Variants in DLGAP2 observed in about 807,000 individuals in gnomAD.
DLGAP2 encodes disks large-associated protein 2.
A neutral mutation model predicts 100.3 loss-of-function variants in DLGAP2; 26 were observed. The ratio of observed to expected loss-of-function variants is 0.26; its 90% CI spans 0.19 to 0.36. DLGAP2 has a LOEUF of 0.36. Ranked by LOEUF, DLGAP2 falls within the 10% of genes least tolerant of loss-of-function variation. The pLI, the probability that DLGAP2 is intolerant of heterozygous loss-of-function variation, is 1.00. For synonymous variants in DLGAP2, 886 were observed against 630.1 expected, an observed-to-expected ratio of 1.41 and a Z score of -6.08; for missense variants, 1,858 against 1,453.2, an observed-to-expected ratio of 1.28 and a Z score of -4.53.
At chr8:1,218,947 A>C (rs1457710402) in intron 2 of DLGAP2, among the ~76,000 whole-genome samples, 3 of 152,110 alleles carry the variant, frequency 2.0e-5, no homozygotes, top group African/African-American at 2.4e-5. Context: ...GGTGAATAGA[A>C]ATGCTATTAA....
chr8:1,222,062 C>A (rs1360410439), intron 2 of DLGAP2, among the ~76,000 whole-genome samples: 1 of 152,188 alleles, frequency 6.6e-6, no homozygotes, highest in Non-Finnish European at 1.5e-5. Flanking sequence ...CATCCAGATT[C>A]TGAATTCCAT....
At chr8:1,412,110 G>A (rs1796748435) in intron 3 of DLGAP2, among the ~76,000 whole-genome samples, 1 of 152,210 alleles carries the variant, frequency 6.6e-6, no homozygotes, top group Non-Finnish European at 1.5e-5. Context: ...TCTCAAGCAT[G>A]GGCTGGGCTT....
At chr8:1,169,843 C>G (rs957781735) in intron 2 of DLGAP2, among the ~76,000 whole-genome samples, 1 of 151,816 alleles carries the variant, frequency 6.6e-6, no homozygotes, top group African/African-American at 2.4e-5. Context: ...GACAATTTGA[C>G]TTCCTCTTTT....
chr8:952,614 G>A (rs1218465672), intron 2 of DLGAP2, among the ~76,000 whole-genome samples: 1 of 151,974 alleles, frequency 6.6e-6, no homozygotes, highest in Non-Finnish European at 1.5e-5. Flanking sequence ...TCCAGCCTGG[G>A]TGACAGTGTG....
chr8:1,696,484 A>C lies in DLGAP2; in HGVS notation c.2797-663A>C, dbSNP rs112717246. Among the ~76,000 whole-genome samples, 1,431 of 152,228 alleles carry C rather than the reference A, an allele frequency of 9.4e-3. 22 individuals are homozygous for C. Among genetic ancestry groups the C allele is most frequent in the African/African-American group, 0.033 (1,368 of 41,542 alleles). ...CTGTGCTCCAGCCTGGGCGACAGAGAAAGACCCTGTCTCAAAAATAACATA... is the reference window on the plus strand; with the variant it reads ...CTGTGCTCCAGCCTGGGCGACAGAGCAAGACCCTGTCTCAAAAATAACATA... On this transcript the variant is annotated intron_variant, in intron 13 of 14. Transcript: ENST00000637795.
intron 2 of DLGAP2, among the ~76,000 whole-genome samples, chr8:1,177,712 G>C (rs1199436646): frequency 2.0e-5 from 3 of 152,172 alleles, no homozygotes; most frequent in Admixed American, 6.5e-5. Context: ...CTGGAAGTCT[G>C]AGATTGAGAT....
intron 2 of DLGAP2, among the ~76,000 whole-genome samples, chr8:1,003,487 T>C (rs1403382694): frequency 6.6e-6 from 1 of 152,258 alleles, no homozygotes; most frequent in Non-Finnish European, 1.5e-5. Flanking sequence ...CAAATTGTTG[T>C]CTAACAATCC....
intron 2 of DLGAP2, among the ~76,000 whole-genome samples, chr8:1,105,225 A>T (rs991179099): frequency 6.6e-6 from 1 of 152,246 alleles, no homozygotes; most frequent in African/African-American, 2.4e-5. Context: ...TTCTACAGAG[A>T]AAAAGTTCTT....
chr8:1,254,718 C>T (rs946359072), intron 2 of DLGAP2, among the ~76,000 whole-genome samples: 19 of 152,254 alleles, frequency 1.2e-4, no homozygotes, highest in Admixed American at 7.8e-4. Flanking sequence ...CAGGATGAGA[C>T]GAAAAAATCC....
At chr8:1,255,487 T>C (rs1585197431) in intron 2 of DLGAP2, among the ~76,000 whole-genome samples, 4 of 103,170 alleles carry the variant, frequency 3.9e-5, no homozygotes. Context: ...TGTGTGTGTG[T>C]CCTCATCTTG....
chr8:988,287 A>G (rs566292683), intron 2 of DLGAP2, among the ~76,000 whole-genome samples: 2 of 152,326 alleles, frequency 1.3e-5, no homozygotes, highest in South Asian at 4.1e-4. Flanking sequence ...TAAAAAGCAA[A>G]TAGATTTTAG....
intron 2 of DLGAP2, among the ~76,000 whole-genome samples, chr8:1,027,360 C>A (rs1459653236): frequency 1.3e-5 from 2 of 150,486 alleles, no homozygotes; most frequent in African/African-American, 4.9e-5. Flanking sequence ...ACCAGGTGCC[C>A]GTTATTCTCC....
chr8:1,121,203 C>A lies in DLGAP2; in HGVS notation c.74-137648C>A, dbSNP rs564621413. 2.0e-5 allele frequency among the ~76,000 whole-genome samples: 3 copies of A among 148,074 alleles called. No homozygotes were observed. In the East Asian group the frequency reaches 6.4e-4, roughly 31 times the overall value. On this transcript the variant is annotated intron_variant, in intron 2 of 14. Transcript: ENST00000637795. ...TGACCACCCGTCCTCCCCTTTGGAA[C>A]CCATGACCTCCCATCCTTGTCCAGT...
At chr8:1,545,368 G>A (rs184038402) in intron 4 of DLGAP2, among the ~76,000 whole-genome samples, 172 of 152,218 alleles carry the variant, frequency 1.1e-3, no homozygotes, top group African/African-American at 3.8e-3. Flanking sequence ...TAGGCCGGCC[G>A]CCCCATAAGT....
intron 12 of DLGAP2, 29 bp from the exon 13 acceptor site, chr8:1,691,506 T>A: frequency 6.3e-7 from 1 of 1,594,742 alleles, no homozygotes. Context: ...AAGTTGTTGT[T>A]TTTTTGTTTT....
At chr8:1,321,317 T>G (rs970665815) in intron 3 of DLGAP2, among the ~76,000 whole-genome samples, 2 of 151,942 alleles carry the variant, frequency 1.3e-5, no homozygotes, top group African/African-American at 4.8e-5. Context: ...TGTCTCTGCG[T>G]GTGCGTGTGT....
chr8:1,030,483 C>T (rs1279404951), intron 2 of DLGAP2, among the ~76,000 whole-genome samples: 2 of 152,146 alleles, frequency 1.3e-5, no homozygotes, highest in Non-Finnish European at 2.9e-5. Flanking sequence ...CAAAGGTGCT[C>T]ACGGACTCGG....
intron 2 of DLGAP2, among the ~76,000 whole-genome samples, chr8:944,161 CCT>C (rs1799260191): frequency 6.6e-6 from 1 of 152,242 alleles, no homozygotes; most frequent in African/African-American, 2.4e-5. Flanking sequence ...GTAACTGATC[CCT>C]GTGGGGTGAT....
At chr8:1,319,111 G>T (rs982682682) in intron 3 of DLGAP2, among the ~76,000 whole-genome samples, 1 of 152,094 alleles carries the variant, frequency 6.6e-6, no homozygotes, top group South Asian at 2.1e-4. Context: ...GGTCTCCGAG[G>T]GCTGGAGGGC....
Sources: allele counts gnomAD v4.1 joint callset (sites outside exome capture counted in the v4.1 genomes callset), GRCh38; gene constraint gnomAD v4.1.1; transcripts MANE v1.5; gene names NCBI Gene and HGNC (gene_info 2026-07-23, HGNC 2026-07-21).